Variants in LMNTD1 observed in about 807,000 individuals in gnomAD.
LMNTD1 encodes lamin tail domain-containing protein 1.
In LMNTD1, 35 loss-of-function variants were observed where a neutral mutation model predicts 50.9. The observed-to-expected ratio is 0.69, with a 90% CI of 0.53 to 0.91. LMNTD1 has a LOEUF of 0.91. LMNTD1 is among the 40% of genes least tolerant of loss of function. The pLI, the probability that LMNTD1 is intolerant of heterozygous loss-of-function variation, is 0.00. For synonymous variants in LMNTD1, 153 were observed against 161.9 expected (o/e 0.94, Z 0.42); for missense variants, 470 against 475.5 (o/e 0.99, Z 0.11).
intron 6 of LMNTD1, among the ~76,000 whole-genome samples, chr12:25,525,623 G>A (rs1941649794): frequency 6.6e-6 from 1 of 152,074 alleles, no homozygotes; most frequent in Non-Finnish European, 1.5e-5. Flanking sequence ...TTTGACATTG[G>A]GAAGAGAATG....
intron 1 of LMNTD1, among the ~76,000 whole-genome samples, chr12:25,583,012 T>A (rs1331749553): frequency 1.4e-5 from 2 of 142,304 alleles, no homozygotes; most frequent in African/African-American, 5.4e-5. Flanking sequence ...CATGCCTGGA[T>A]AATTTTTTTT....
At chr12:25,609,090 C>A (rs10842584) in intron 1 of LMNTD1, among the ~76,000 whole-genome samples, 1 of 151,946 alleles carries the variant, frequency 6.6e-6, no homozygotes. Context: ...ATCACTGATA[C>A]CCTTTCTTCC....
intron 1 of LMNTD1, among the ~76,000 whole-genome samples, chr12:25,587,909 C>T (rs1945589990): frequency 6.6e-6 from 1 of 152,092 alleles, no homozygotes; most frequent in African/African-American, 2.4e-5. Flanking sequence ...AATTAACTCA[C>T]TTATGTATAA....
At chr12:25,644,313 C>CAAA (rs59091210) in intron 1 of LMNTD1, among the ~76,000 whole-genome samples, 38,749 of 81,880 alleles carry the variant, frequency 0.47, 8,725 homozygotes, top group South Asian at 0.56. Context: ...CCTTTCTCTA[C>CAAA]AAAAAAAAAA....
intron 4 of LMNTD1, among the ~76,000 whole-genome samples, chr12:25,527,571 C>G (rs773762566): frequency 7.6e-5 from 11 of 145,324 alleles, no homozygotes; most frequent in Non-Finnish European, 1.5e-4. Flanking sequence ...GGACCCCCAT[C>G]TTGGAAATAA....
At chr12:25,503,161 C>CTTG in intron 9 of LMNTD1, 1 of 152,236 alleles carries the variant, frequency 6.6e-6, no homozygotes, top group East Asian at 1.9e-4. Context: ...AAAACACCAC[C>CTTG]TTGTCATTAG....
chr12:25,565,823 T>G (rs1944534339), intron 1 of LMNTD1, among the ~76,000 whole-genome samples: 1 of 152,186 alleles, frequency 6.6e-6, no homozygotes, highest in South Asian at 2.1e-4. Flanking sequence ...AGTCTTTATT[T>G]CTCCTTCATG....
At chr12:25,624,359 C>T (rs1409299323) in intron 1 of LMNTD1, among the ~76,000 whole-genome samples, 2 of 152,136 alleles carry the variant, frequency 1.3e-5, no homozygotes, top group Non-Finnish European at 2.9e-5. Flanking sequence ...CAGAAATGCT[C>T]ATTTATGAAA....
chr12:25,522,261 T>C (rs567113649), intron 6 of LMNTD1, among the ~76,000 whole-genome samples: 39 of 152,336 alleles, frequency 2.6e-4, no homozygotes, highest in African/African-American at 9.4e-4. Flanking sequence ...AAACATATTA[T>C]ATTTTGAAAA....
At chr12:25,556,642 G>A (rs867919292), upstream of LMNTD1, among the ~76,000 whole-genome samples, 8 of 152,104 alleles carry the variant, frequency 5.3e-5, no homozygotes, top group South Asian at 2.1e-4. Context: ...GGGAAAGTAC[G>A]AGAATTTTGC....
In LMNTD1 at chr12:25,511,913, GC is replaced by G. The variant is rs373910607; in HGVS notation, c.1189+6881del. Among the ~76,000 whole-genome samples the G allele has an allele frequency of 3.7e-3, 558 of 152,070 alleles. 5 individuals carry two copies. Among genetic ancestry groups the G allele is most frequent in the African/African-American group, 0.013 (542 of 41,468 alleles). On this transcript the variant is annotated intron_variant, in intron 8 of 9. Coordinates refer to ENST00000458174, the MANE Select transcript of LMNTD1 (RefSeq NM_001145728.2). ...CTGTTTCTTCTACTCAGAATGCTTT[GC>G]CCCCCCTCTTTTCAACCTGAATAAC...
At chr12:25,488,487 C>T (rs1314312107) in intron 9 of LMNTD1, among the ~76,000 whole-genome samples, 1 of 146,708 alleles carries the variant, frequency 6.8e-6, no homozygotes, top group Non-Finnish European at 1.5e-5. Flanking sequence ...GCTCCGTCAG[C>T]TCCTTTAAGC....
At chr12:25,606,003 T>C (rs1379442767) in intron 1 of LMNTD1, among the ~76,000 whole-genome samples, 2 of 152,210 alleles carry the variant, frequency 1.3e-5, no homozygotes, top group African/African-American at 4.8e-5. Context: ...TCCTCTTTTA[T>C]TTCATTGAGC....
At chr12:25,482,862 G>A (rs925749194) in intron 9 of LMNTD1, among the ~76,000 whole-genome samples, 2 of 151,910 alleles carry the variant, frequency 1.3e-5, no homozygotes, top group Non-Finnish European at 1.5e-5. Flanking sequence ...GGCCCAGAAA[G>A]TCTGTGTTCA....
chr12:25,521,481 G>C (rs1187964739), intron 6 of LMNTD1, among the ~76,000 whole-genome samples: 2 of 152,188 alleles, frequency 1.3e-5, no homozygotes, highest in Non-Finnish European at 2.9e-5. Flanking sequence ...CGAACTACAT[G>C]ATGAGGATAC....
chr12:25,543,323 A>C (rs1943221208), intron 4 of LMNTD1, among the ~76,000 whole-genome samples: 1 of 152,094 alleles, frequency 6.6e-6, no homozygotes, highest in South Asian at 2.1e-4. Flanking sequence ...AGGGAAAGAA[A>C]ACTACAGACC....
intron 1 of LMNTD1, among the ~76,000 whole-genome samples, chr12:25,619,595 A>G (rs1408091802): frequency 1.3e-5 from 2 of 152,202 alleles, no homozygotes; most frequent in Admixed American, 6.5e-5. Context: ...TCCTCAGGGC[A>G]GCCTGGCTGT....
chr12:25,524,954 A>C (rs1941600806), intron 6 of LMNTD1, among the ~76,000 whole-genome samples: 1 of 152,208 alleles, frequency 6.6e-6, no homozygotes, highest in Admixed American at 6.5e-5. Context: ...GAAATTAGCC[A>C]AGTCTATTTT....
intron 4 of LMNTD1, among the ~76,000 whole-genome samples, chr12:25,534,143 T>TC (rs893097967): frequency 2.0e-5 from 3 of 152,126 alleles, no homozygotes; most frequent in African/African-American, 7.2e-5. Context: ...TGCCTACAAC[T>TC]CCTTTTTTTT....
Sources: allele counts gnomAD v4.1 joint callset (sites outside exome capture counted in the v4.1 genomes callset), GRCh38; gene constraint gnomAD v4.1.1; transcripts MANE v1.5; gene names NCBI Gene and HGNC (gene_info 2026-07-23, HGNC 2026-07-21).